Variants in GRHL2 observed in about 807,000 individuals in gnomAD.
GRHL2 encodes grainyhead like transcription factor 2.
In GRHL2, 21 loss-of-function variants were observed where a neutral mutation model predicts 83.8. The observed-to-expected ratio is 0.25, with a 90% CI of 0.18 to 0.36. The LOEUF (loss-of-function observed/expected upper bound fraction) is 0.36. Ranked by LOEUF, GRHL2 falls within the 10% of genes least tolerant of loss-of-function variation. GRHL2 has a pLI of 1.00. For missense variants in GRHL2, 623 were observed against 781.8 expected (o/e 0.80, Z 2.42); for synonymous variants, 280 against 278.9 (o/e 1.00, Z -0.04).
chr8:101,513,588 G>A (rs1330330752), intron 1 of GRHL2, among the ~76,000 whole-genome samples: 1 of 141,072 alleles, frequency 7.1e-6, no homozygotes, highest in Non-Finnish European at 1.5e-5. Context: ...TCCACCTCCT[G>A]GGTTCAAATG....
chr8:101,503,492 T>C (rs1810273748), intron 1 of GRHL2, among the ~76,000 whole-genome samples: 1 of 152,200 alleles, frequency 6.6e-6, no homozygotes, highest in East Asian at 1.9e-4. Flanking sequence ...CGGGTTCGGG[T>C]AAAATATATT....
At chr8:101,648,522 C>A (rs1586170018) in intron 13 of GRHL2, among the ~76,000 whole-genome samples, 1 of 152,122 alleles carries the variant, frequency 6.6e-6, no homozygotes, top group Admixed American at 6.6e-5. Context: ...TTCATTTAAC[C>A]CTCACAGTAG....
At chr8:101,576,042 C>T (rs1056049223) in intron 6 of GRHL2, among the ~76,000 whole-genome samples, 5 of 152,170 alleles carry the variant, frequency 3.3e-5, no homozygotes, top group African/African-American at 9.7e-5. Context: ...AGCCAGCCAC[C>T]GGCATGTATT....
chr8:101,644,930 G>A (rs1418414275), intron 13 of GRHL2, among the ~76,000 whole-genome samples: 7 of 151,238 alleles, frequency 4.6e-5, no homozygotes, highest in East Asian at 1.9e-4. Context: ...TCACTACAGC[G>A]TCTACCTGAT....
At chr8:101,495,146 G>T (rs1469181016) in intron 1 of GRHL2, among the ~76,000 whole-genome samples, 2 of 152,216 alleles carry the variant, frequency 1.3e-5, no homozygotes, top group Admixed American at 1.3e-4. Context: ...ACGGGCCCCT[G>T]GGTACAGCGT....
At chr8:101,627,051 G>C (rs186367335) in intron 9 of GRHL2, among the ~76,000 whole-genome samples, 1 of 152,220 alleles carries the variant, frequency 6.6e-6, no homozygotes, top group Non-Finnish European at 1.5e-5. Flanking sequence ...CTGCTGTATA[G>C]ATACTCTATG....
At chr8:101,639,776 C>T (rs1414468363) in intron 12 of GRHL2, among the ~76,000 whole-genome samples, 1 of 152,230 alleles carries the variant, frequency 6.6e-6, no homozygotes, top group Non-Finnish European at 1.5e-5. Flanking sequence ...ATGTGTTCAC[C>T]TAGCCCTAAG....
intron 9 of GRHL2, among the ~76,000 whole-genome samples, chr8:101,627,038 C>T (rs1310353988): frequency 2.0e-5 from 3 of 152,006 alleles, no homozygotes; most frequent in Non-Finnish European, 4.4e-5. Flanking sequence ...GAAGGGCCAC[C>T]ATCTGCTGTA....
chr8:101,655,508 T>G (rs192650372), intron 14 of GRHL2, among the ~76,000 whole-genome samples: 11 of 152,310 alleles, frequency 7.2e-5, no homozygotes, highest in Admixed American at 2.6e-4. Flanking sequence ...TTTTCTGGAT[T>G]ATTCTTCTTA....
intron 4 of GRHL2, among the ~76,000 whole-genome samples, chr8:101,560,688 C>G (rs1811590833): frequency 6.6e-6 from 1 of 152,150 alleles, no homozygotes; most frequent in Non-Finnish European, 1.5e-5. Context: ...TAAACTTCAG[C>G]TCTTTTAGTG....
chr8:101,611,577 C>T (rs1430582445), intron 8 of GRHL2, among the ~76,000 whole-genome samples: 1 of 150,890 alleles, frequency 6.6e-6, no homozygotes, highest in Non-Finnish European at 1.5e-5. Flanking sequence ...ACCTTCCTCT[C>T]CTCCCTTCCA....
intron 5 of GRHL2, among the ~76,000 whole-genome samples, chr8:101,572,864 T>C (rs1181203500): frequency 1.3e-5 from 2 of 152,230 alleles, no homozygotes; most frequent in Non-Finnish European, 2.9e-5. Flanking sequence ...ACACTTTTTC[T>C]GAAATGAACT....
chr8:101,544,058 CCA>C (rs1438006664), intron 2 of GRHL2: 1 of 155,840 alleles, frequency 6.4e-6, no homozygotes, highest in Non-Finnish European at 1.4e-5. Flanking sequence ...AAATTATCTG[CCA>C]CAGTGTCCCT....
rs1811608440 is a variant in GRHL2, at chr8:101,561,530, A to G, written c.678+2718A>G. Reference sequence around the variant, plus strand: ...TGTCATTATGCTCTTCTAAGATGCAAATAAACCAAGCAGGAAATACTAAAA... The same window carrying G: ...TGTCATTATGCTCTTCTAAGATGCAGATAAACCAAGCAGGAAATACTAAAA... On this transcript the variant is annotated intron_variant, in intron 4 of 15. Transcript: ENST00000646743. 2.6e-5 allele frequency among the ~76,000 whole-genome samples: 4 copies of G among 152,346 alleles called. No homozygotes were observed. In the South Asian group the frequency reaches 8.3e-4, roughly 32 times the overall value.
At chr8:101,561,927 TA>T in intron 4 of GRHL2, 1 of 534,012 alleles carries the variant, frequency 1.9e-6, no homozygotes. Flanking sequence ...ATGTAAAAAA[TA>T]ATAATTTAGC....
intron 1 of GRHL2, among the ~76,000 whole-genome samples, chr8:101,510,273 A>G (rs573852169): frequency 6.0e-4 from 91 of 152,350 alleles, no homozygotes; most frequent in African/African-American, 2.1e-3. Flanking sequence ...GTGGGATTAC[A>G]GGCATGAGCC....
At chr8:101,543,871 C>T (rs1811207058) in intron 2 of GRHL2, 5 of 219,954 alleles carry the variant, frequency 2.3e-5, no homozygotes, top group Admixed American at 2.1e-4. Flanking sequence ...ACTTACAGTT[C>T]CACATGGCTG....
intron 11 of GRHL2, among the ~76,000 whole-genome samples, chr8:101,632,844 G>T (rs146511782): frequency 1.3e-5 from 2 of 152,274 alleles, no homozygotes; most frequent in African/African-American, 4.8e-5. Flanking sequence ...CACATCAAAA[G>T]AAAAATGAGG....
At chr8:101,680,041 C>T in the GRHL2 span, among the ~76,000 whole-genome samples, 1 of 118,622 alleles carries the variant, frequency 8.4e-6, no homozygotes, top group Admixed American at 8.9e-5. Flanking sequence ...AACCAGCTAT[C>T]ATCATAATGA....
Sources: allele counts gnomAD v4.1 joint callset (sites outside exome capture counted in the v4.1 genomes callset), GRCh38; gene constraint gnomAD v4.1.1; transcripts MANE v1.5; gene names NCBI Gene and HGNC (gene_info 2026-07-23, HGNC 2026-07-21).